LINGO2: variants seen among roughly 807,000 people sequenced by gnomAD.
LINGO2 encodes the protein leucine-rich repeat and immunoglobulin-like domain-containing nogo receptor-interacting protein 2.
A neutral mutation model predicts 30.6 loss-of-function variants in LINGO2; 14 were observed. That is an observed-to-expected ratio of 0.46 (90% CI 0.30 to 0.72). The LOEUF (loss-of-function observed/expected upper bound fraction) is 0.72. Among genes scored for constraint, LINGO2 ranks in the 30% least tolerant of loss-of-function variants. The probability of loss-of-function intolerance (pLI) is 0.07; values close to 1 mark genes in which losing one functional copy is unlikely to be tolerated. For missense variants in LINGO2, 729 were observed against 751.7 expected (o/e 0.97, Z 0.35); for synonymous variants, 317 against 288.5 (o/e 1.10, Z -1.00).
rs76229078 is a variant in LINGO2 at position 28,474,622 on chromosome 9, T to C, written c.-279+1318A>G. 9.5e-3 allele frequency among the ~76,000 whole-genome samples: 1,442 copies of C among 152,298 alleles called. 23 individuals are homozygous for C. Among genetic ancestry groups the C allele is most frequent in the African/African-American group, 0.033 (1,359 of 41,560 alleles). ...CAGTTTCATTTTAACAATTTGGAAG[T>C]TGATCTTCTTGTCCCTTGGACCATA... On this transcript the variant is annotated intron_variant, in intron 2 of 5. Transcript: ENST00000379992.
the LINGO2 span, among the ~76,000 whole-genome samples, chr9:28,734,435 G>A: frequency 2.0e-3 from 301 of 152,152 alleles, 3 homozygotes; most frequent in South Asian, 1.7e-3. Flanking sequence ...CTCAGTTGAC[G>A]GCAGGAAACT....
chr9:28,589,619 G>A (rs1824764164), intron 1 of LINGO2, among the ~76,000 whole-genome samples: 1 of 152,038 alleles, frequency 6.6e-6, no homozygotes, highest in Non-Finnish European at 1.5e-5. Flanking sequence ...TCTTCAAAGA[G>A]AACTACAAAC....
chr9:28,553,195 A>C (rs1822408975), intron 1 of LINGO2, among the ~76,000 whole-genome samples: 1 of 152,062 alleles, frequency 6.6e-6, no homozygotes, highest in Non-Finnish European at 1.5e-5. Context: ...CGATCAAATT[A>C]CTCTGAGCTA....
intron 3 of LINGO2, among the ~76,000 whole-genome samples, chr9:28,314,086 C>G (rs1341138479): frequency 1.3e-5 from 2 of 152,190 alleles, no homozygotes; most frequent in Non-Finnish European, 2.9e-5. Context: ...AGGCGCCCAC[C>G]ACCTCGCCCG....
At chr9:28,276,831 C>G (rs185404220) in intron 4 of LINGO2, among the ~76,000 whole-genome samples, 46 of 152,204 alleles carry the variant, frequency 3.0e-4, no homozygotes, top group Non-Finnish European at 5.4e-4. Context: ...CTCTTTATGT[C>G]TAATACCTTT....
chr9:28,958,019 A>T, the LINGO2 span, among the ~76,000 whole-genome samples: 1 of 152,308 alleles, frequency 6.6e-6, no homozygotes, highest in South Asian at 2.1e-4. Flanking sequence ...ACTGCTTTTA[A>T]TGGCAAATCT....
At chr9:28,096,192 G>C (rs907943012) in intron 4 of LINGO2, among the ~76,000 whole-genome samples, 2 of 152,110 alleles carry the variant, frequency 1.3e-5, no homozygotes, top group African/African-American at 4.8e-5. Context: ...TGGAATAATA[G>C]CATCTACCTC....
chr9:28,536,336 A>T (rs1821436286), intron 1 of LINGO2, among the ~76,000 whole-genome samples: 1 of 152,134 alleles, frequency 6.6e-6, no homozygotes, highest in South Asian at 2.1e-4. Context: ...TTTACCCCTT[A>T]CATAAACAAA....
the LINGO2 span, among the ~76,000 whole-genome samples, chr9:28,943,790 A>T: frequency 6.6e-6 from 1 of 152,208 alleles, no homozygotes; most frequent in East Asian, 1.9e-4. Flanking sequence ...TGTAAGGAGT[A>T]AGATGTGCGA....
At chr9:28,951,840 C>T in the LINGO2 span, among the ~76,000 whole-genome samples, 1 of 152,064 alleles carries the variant, frequency 6.6e-6, no homozygotes, top group Non-Finnish European at 1.5e-5. Flanking sequence ...TTTAATCCAC[C>T]CATTATATTA....
the LINGO2 span, among the ~76,000 whole-genome samples, chr9:29,127,020 G>A: frequency 6.6e-6 from 1 of 152,058 alleles, no homozygotes. Context: ...GCATAGAGGT[G>A]TATTTTTGTT....
chr9:28,311,650 G>A (rs534316372), intron 3 of LINGO2, among the ~76,000 whole-genome samples: 1 of 152,320 alleles, frequency 6.6e-6, no homozygotes, highest in Admixed American at 6.5e-5. Context: ...GGCAGTCAGA[G>A]TTTAAGGTTA....
the LINGO2 span, among the ~76,000 whole-genome samples, chr9:29,012,996 A>G: frequency 8.5e-5 from 13 of 152,296 alleles, no homozygotes; most frequent in Non-Finnish European, 1.3e-4. Context: ...AAAGTTCTTA[A>G]TATCAGCCAT....
chr9:27,957,573 G>A (rs576819050), intron 5 of LINGO2, among the ~76,000 whole-genome samples: 26 of 152,222 alleles, frequency 1.7e-4, no homozygotes, highest in Admixed American at 3.3e-4. Flanking sequence ...GATTACAGGC[G>A]TGAGCCACCG....
intron 1 of LINGO2, among the ~76,000 whole-genome samples, chr9:28,614,506 G>A: frequency 6.6e-6 from 1 of 152,018 alleles, no homozygotes; most frequent in Non-Finnish European, 1.5e-5. Context: ...TTGCCTCAGA[G>A]GATGTCATAG....
intron 4 of LINGO2, among the ~76,000 whole-genome samples, chr9:28,189,792 C>T (rs1819750557): frequency 6.6e-6 from 1 of 151,996 alleles, no homozygotes; most frequent in Non-Finnish European, 1.5e-5. Flanking sequence ...GAACCAAAAG[C>T]TTGAAGCAGT....
the LINGO2 span, among the ~76,000 whole-genome samples, chr9:28,989,625 GTTA>G: frequency 6.6e-6 from 1 of 151,994 alleles, no homozygotes; most frequent in Non-Finnish European, 1.5e-5. Context: ...ACACGTAATT[GTTA>G]TTATATAGAT....
intron 2 of LINGO2, among the ~76,000 whole-genome samples, chr9:28,426,661 T>G (rs1823425712): frequency 6.6e-6 from 1 of 152,122 alleles, no homozygotes; most frequent in African/African-American, 2.4e-5. Flanking sequence ...ACAGAGAGGT[T>G]GCCCCTGAGG....
intron 4 of LINGO2, among the ~76,000 whole-genome samples, chr9:28,189,285 G>GAGGAAGGAAGGA (rs1564028669): frequency 3.6e-5 from 1 of 28,148 alleles, no homozygotes; most frequent in Non-Finnish European, 7.0e-5. Context: ...GGGAGGGAGG[G>GAGGAAGGAAGGA]AGGGAGGAAG....
Sources: gnomAD v4.1 joint callset for allele counts (sites outside exome capture counted in the v4.1 genomes callset) on GRCh38, gnomAD v4.1.1 for gene constraint, MANE v1.5 for transcripts, NCBI Gene and HGNC (gene_info 2026-07-23, HGNC 2026-07-21) for gene names.